The following PDZD7 variants were observed in gnomAD, a reference collection of about 807,000 sequenced individuals.
The protein encoded by PDZD7 is PDZ domain-containing protein 7.
Under a neutral mutation model 84.7 loss-of-function variants are expected in PDZD7, and 72 were observed. The observed-to-expected ratio is 0.85, with a 90% CI of 0.70 to 1.03. The LOEUF (loss-of-function observed/expected upper bound fraction) is 1.03, where lower values mean the gene tolerates loss of function less well. Ranked by LOEUF, PDZD7 falls within the 50% of genes least tolerant of loss-of-function variation. The pLI is 0.00. For synonymous variants in PDZD7, 594 were observed against 580.7 expected, an observed-to-expected ratio of 1.02 and a Z score of -0.33; for missense variants, 1,490 against 1,412.9, an observed-to-expected ratio of 1.05 and a Z score of -0.87.
chr10:101,029,189 C>T (rs1482132580), intron 2 of PDZD7, among the ~76,000 whole-genome samples: 1 of 152,214 alleles, frequency 6.6e-6, no homozygotes, highest in African/African-American at 2.4e-5. Flanking sequence ...TCTGTCACTA[C>T]AGCCAGGCTG....
chr10:101,008,528 G>T lies in PDZD7; in HGVS notation c.3041C>A (p.Ala1014Asp), dbSNP rs761354005. ...ARLLQPTPSP[A>D]PSPALQTPDS... ...AGGAGTCTGGAGGGCTGGGGAGGGG[G>T]CTGGGCTGGGAGTTGGCTGGAGGAG... is the stretch of plus-strand genomic sequence containing the variant. Residue 1014 changes from alanine to aspartate, a missense_variant, in exon 17 of 17, where the codon GCC becomes GAC. Coordinates refer to ENST00000619208, the MANE Select transcript of PDZD7 (RefSeq NM_001195263.2). The T allele has an allele frequency of 2.6e-6, 4 of 1,534,532 alleles. No homozygotes were observed. Among genetic ancestry groups the T allele is most frequent in the Non-Finnish European group, 3.5e-6 (4 of 1,146,260 alleles).
intron 1 of PDZD7, 31 bp downstream of exon 1, chr10:101,031,042 C>A (rs11190803): frequency 0.25 from 38,637 of 152,368 alleles, 5,771 homozygotes; most frequent in Middle Eastern, 0.4. Context: ...CCCTCCAGGC[C>A]CCCCACCCCT....
chr10:101,011,036 T>C, intron 14 of PDZD7, 153 bp from the exon 15 acceptor site: 2 of 1,437,272 alleles, frequency 1.4e-6, no homozygotes, highest in Non-Finnish European at 1.8e-6. Flanking sequence ...GACAGACATG[T>C]TCTATTAGAA....
In PDZD7 at chr10:101,026,294, C is replaced by T. The variant is rs140168658; in HGVS notation, c.227-2226G>A. On this transcript the variant is annotated intron_variant, in intron 2 of 16. Transcript: ENST00000619208. ...GGATTACTGGCATGTGCCACCATGCCGGGCAAATTTTTGTACTTTTAGTAG... is the reference window on the plus strand; with the variant it reads ...GGATTACTGGCATGTGCCACCATGCTGGGCAAATTTTTGTACTTTTAGTAG... Among the ~76,000 whole-genome samples the T allele has an allele frequency of 3.9e-3, 590 of 152,154 alleles. 7 individuals are homozygous for T. The highest frequency in any genetic ancestry group is 0.031 in the Middle Eastern group (9 of 294).
chr10:101,013,109 A>G (rs1852456965), intron 11 of PDZD7, among the ~76,000 whole-genome samples: 1 of 152,220 alleles, frequency 6.6e-6, no homozygotes, highest in Non-Finnish European at 1.5e-5. Context: ...GTCATTCATA[A>G]ATATCTGGAA....
In PDZD7 at chr10:101,008,642, G is replaced by A; in HGVS notation, c.2927C>T (p.Ala976Val). 3 of 1,536,142 alleles carry A rather than the reference G, an allele frequency of 2.0e-6. No homozygotes were observed. The highest frequency in any genetic ancestry group is 2.6e-6 in the Non-Finnish European group (3 of 1,146,892). The change falls in exon 17 of 17, where the codon GCC (alanine) becomes GTC (valine). Residue 976 changes from alanine (A) to valine (V), a missense_variant. Transcript: ENST00000619208. ...DGGLPADHLP[A>V]HQPLDAAPVP... ...TGGAGCAGCATCAAGGGGTTGGTGG[G>A]CAGGCAAGTGGTCAGCAGGAAGGCC...
intron 9 of PDZD7, chr10:101,017,800 A>G (rs1397116336): frequency 2.1e-6 from 1 of 465,144 alleles, no homozygotes; most frequent in East Asian, 3.8e-5. Context: ...AAAAAAAAAG[A>G]AAGAAAAAGA....
intron 3 of PDZD7, 64 bp downstream of exon 3, chr10:101,023,864 C>A: frequency 6.2e-7 from 1 of 1,612,570 alleles, no homozygotes; most frequent in Non-Finnish European, 8.5e-7. Flanking sequence ...GCAGCATCCC[C>A]TGCCATTCAC....
chr10:101,030,264 GCTAGCTCTGGAGAGGC>G lies in PDZD7; in HGVS notation c.-61_-46del. 1 of 1,514,474 alleles carries G rather than the reference GCTAGCTCTGGAGAGGC, an allele frequency of 6.6e-7. No homozygotes were observed. Among genetic ancestry groups the G allele is most frequent in the Non-Finnish European group, 8.9e-7 (1 of 1,118,892 alleles). The allele number at this position is 1,514,474 out of a possible 1,614,324, so 93.8% of individuals were successfully genotyped here. A position where few individuals can be genotyped will look rare whatever the true frequency, so the allele number is the denominator to read the frequency against. On this transcript the variant is annotated 5_prime_UTR_variant, in exon 2 of 17. It introduces an in-frame stop codon into an upstream open reading frame of the 5' UTR. Coordinates refer to ENST00000619208, the MANE Select transcript of PDZD7 (RefSeq NM_001195263.2). The stretch of plus-strand genomic sequence containing the variant: ...CACCCTACAGGTCCAGAAGGAATCT[GCTAGCTCTGGAGAGGC>G]CAGCCCTGCGTGCTTCGAGCTCCAT...
At position 101,025,608 on chromosome 10, in the gene PDZD7, T is replaced by G. The variant is rs1037901477; in HGVS notation, c.227-1540A>C. Among the ~76,000 whole-genome samples, 3 of 150,658 alleles carry G rather than the reference T, an allele frequency of 2.0e-5. No individual in the cohort carries two copies. In the South Asian group the frequency reaches 6.2e-4, roughly 31 times the overall value. The stretch of plus-strand genomic sequence containing the variant: ...TGTCGCCCAGGCTGGACTGCAGTGG[T>G]GCGATCTCAGCTCACTGCAAGCTCC... On this transcript the variant is annotated intron_variant, in intron 2 of 16. Transcript: ENST00000619208.
At chr10:101,011,804 A>G (rs1303877216) in intron 13 of PDZD7, 43 bp from the exon 14 acceptor site, 4 of 1,550,424 alleles carry the variant, frequency 2.6e-6, no homozygotes, top group South Asian at 1.2e-5. Context: ...GTACCCCGCC[A>G]GGCTCCGGGA....
chr10:101,010,394 T>C lies in PDZD7; in HGVS notation c.2495A>G (p.Lys832Arg). ...CGAGGGCCCTTGCTTGGCCCCCACC[T>C]TGGCTGCCTCCCCATCCAGAGGTCG... is the stretch of plus-strand genomic sequence containing the variant. ...LPRPLDGEAA[K>R]VGAKQGPSES... Residue 832 changes from lysine to arginine, a missense_variant, in exon 15 of 17, where the codon AAG (lysine) becomes AGG (arginine). Coordinates refer to ENST00000619208, the MANE Select transcript of PDZD7 (RefSeq NM_001195263.2). 1 of 1,536,126 alleles carries C rather than the reference T, an allele frequency of 6.5e-7. No individual in the cohort carries two copies. The highest frequency in any genetic ancestry group is 8.7e-7 in the Non-Finnish European group (1 of 1,146,898).
At position 101,018,114 on chromosome 10, in the gene PDZD7, G is replaced by A; in HGVS notation, c.1507C>T (p.Leu503=). Residue 503 remains leucine (L), a synonymous_variant, in exon 9 of 17, where the codon CTG becomes TTG. Coordinates refer to ENST00000619208, the MANE Select transcript of PDZD7 (RefSeq NM_001195263.2). ...SGSLAKTYPR[L]DIEKAGGVGP... is the part of the protein sequence containing the mutation. ...CACTACTTACCTTTCTCTATGTCCA[G>A]GCGAGGGTAAGTTTTGGCCAGGCTC... The A allele has an allele frequency of 6.2e-7, 1 of 1,614,170 alleles. No homozygotes were observed. Among genetic ancestry groups the A allele is most frequent in the Non-Finnish European group, 8.5e-7 (1 of 1,180,034 alleles).
In PDZD7 at chr10:101,011,958, G is replaced by C. The variant is rs1242686717; in HGVS notation, c.1900C>G (p.Leu634Val). 3.2e-6 allele frequency: 5 copies of C among 1,550,328 alleles called. No homozygotes were observed. Among genetic ancestry groups the C allele is most frequent in the Non-Finnish European group, 4.4e-6 (5 of 1,146,992 alleles). The change falls in exon 13 of 17, where the codon CTG (leucine) becomes GTG (valine). Residue 634 changes from leucine to valine, a missense_variant. Physicochemically the swap from Leu to Val is conservative, Grantham distance 32 (BLOSUM62 1). Coordinates refer to ENST00000619208, the MANE Select transcript of PDZD7 (RefSeq NM_001195263.2). The stretch of plus-strand genomic sequence containing the variant: ...CTCTTGAGGGCCTCAAAAGCCTCCA[G>C]CTCCACAAGCATCACCATGCTGTCG... ...RFDSMVMLVE[L>V]EAFEALKSRA...
chr10:101,012,882 G>A (rs1852446164), intron 11 of PDZD7, among the ~76,000 whole-genome samples: 1 of 152,238 alleles, frequency 6.6e-6, no homozygotes, highest in Non-Finnish European at 1.5e-5. Flanking sequence ...AGTTCCCTTG[G>A]AGGGGGGCGG....
Position 101,008,686 on chromosome 10 carries a change from T to G in PDZD7, c.2883A>C (p.Ser961=). The G allele has an allele frequency of 6.5e-7, 1 of 1,535,872 alleles. No homozygotes were observed. Among genetic ancestry groups the G allele is most frequent in the African/African-American group, 1.4e-5 (1 of 73,066 alleles). The change falls in exon 17 of 17, where the codon TCA becomes TCC. Residue 961 remains serine, a synonymous_variant. Coordinates refer to ENST00000619208, the MANE Select transcript of PDZD7 (RefSeq NM_001195263.2). Reference sequence around the variant, plus strand: ...GAAGGCCCCCATCAGTAAGGGCTGATGAGTCAGAGGGTGAGGGCCGTGGGC... The same window carrying G: ...GAAGGCCCCCATCAGTAAGGGCTGAGGAGTCAGAGGGTGAGGGCCGTGGGC... ...GPSPRPSPSD[S]SALTDGGLPA...
chr10:101,023,730 C>T, intron 3 of PDZD7, 120 bp from the exon 4 acceptor site: 1 of 1,452,918 alleles, frequency 6.9e-7, no homozygotes, highest in Non-Finnish European at 9.5e-7. Context: ...ATTGTCAGAG[C>T]AGGGGCTGAG....
chr10:101,010,257 C>T lies in PDZD7; in HGVS notation c.2617+15G>A. ...CCTAGTGTCCTCTGCCGGGCCCAGT[C>T]CCACGTGGACTCACCTAAGGACTGC... On this transcript the variant is annotated intron_variant, in intron 15 of 16. Transcript: ENST00000619208. 2.0e-6 allele frequency: 3 copies of T among 1,507,798 alleles called. No individual in the cohort carries two copies. The highest frequency in any genetic ancestry group is 1.8e-6 in the Non-Finnish European group (2 of 1,124,594). The allele number at this position is 1,507,798 out of a possible 1,614,324, so 93.4% of individuals were successfully genotyped here.
chr10:101,011,768 G>A lies in PDZD7; in HGVS notation c.1934-7C>T. On this transcript the variant is annotated splice_polypyrimidine_tract_variant and splice_region_variant and intron_variant, in intron 13 of 16. Transcript: ENST00000619208. ...CTCAAAGCAGGAGGCCGGACTGGTT[G>A]GAGAGATGAACAGGTCAGCGGCAAG... is the stretch of plus-strand genomic sequence containing the variant. 6.5e-7 allele frequency: 1 copy of A among 1,550,068 alleles called. No individual in the cohort carries two copies. Among genetic ancestry groups the A allele is most frequent in the South Asian group, 1.2e-5 (1 of 84,066 alleles).
Sources: allele counts gnomAD v4.1 joint callset (sites outside exome capture counted in the v4.1 genomes callset), GRCh38; gene constraint gnomAD v4.1.1; transcripts MANE v1.5; gene names NCBI Gene and HGNC (gene_info 2026-07-23, HGNC 2026-07-21).